Variants in CES4A observed in about 807,000 individuals in gnomAD.
CES4A encodes the protein carboxylesterase 6.
In CES4A, 48 loss-of-function variants were observed where a neutral mutation model predicts 65.4. The observed-to-expected ratio is 0.73, with a 90% CI of 0.58 to 0.93. CES4A has a LOEUF of 0.93. Among genes scored for constraint, CES4A ranks in the 40% least tolerant of loss-of-function variants. The probability of loss-of-function intolerance (pLI) is 0.00; values close to 1 mark genes in which losing one functional copy is unlikely to be tolerated. For missense variants in CES4A, 685 were observed against 728.5 expected (o/e 0.94, Z 0.69); for synonymous variants, 247 against 281.8 (o/e 0.88, Z 1.24).
rs1191963063 is a variant in CES4A at position 67,001,101 on chromosome 16, G to GC, written c.536+112dup. On this transcript the variant is annotated intron_variant, in intron 4 of 13. Transcript: ENST00000648724. The surrounding 1 kb of genome is among the most constrained non-coding windows in gnomAD (Gnocchi z 4.1). ...GGGATGGGGGGGGTGGGGCCGCGAG[G>GC]CGGGGGCGGGGCCTGGCGCTCGGTG... is the stretch of plus-strand genomic sequence containing the variant. The GC allele has an allele frequency of 1.6e-6, 2 of 1,221,658 alleles. No individual in the cohort carries two copies. The highest frequency in any genetic ancestry group is 2.2e-6 in the Non-Finnish European group (2 of 900,924). The allele number at this position is 1,221,658 out of a possible 1,614,324, so 75.7% of individuals were successfully genotyped here.
chr16:66,998,452 G>A (rs554499032), intron 2 of CES4A, among the ~76,000 whole-genome samples: 7 of 152,250 alleles, frequency 4.6e-5, no homozygotes, highest in Admixed American at 3.3e-4. Flanking sequence ...TATCCGGTGT[G>A]ATGGTGCGTG....
chr16:66,988,910 C>G, intron 1 of CES4A, 80 bp downstream of exon 1: 1 of 1,468,740 alleles, frequency 6.8e-7, no homozygotes, highest in Non-Finnish European at 9.1e-7. Flanking sequence ...TTCAACCTCT[C>G]CTGGGGACAG....
At chr16:66,995,867 G>A in intron 2 of CES4A, 38 bp downstream of exon 2, 1 of 1,572,578 alleles carries the variant, frequency 6.4e-7, no homozygotes, top group Non-Finnish European at 8.7e-7. Flanking sequence ...AGGGGGCAAT[G>A]GGCCTATGCC....
At position 67,001,291 on chromosome 16, in the gene CES4A, G is replaced by A. The variant is rs1434827589; in HGVS notation, c.537-17G>A. ...TGTCGAGGCCCGGGACCCTGACAGT[G>A]AACCCCACACGCCCAGCACGGACGA... On this transcript the variant is annotated splice_polypyrimidine_tract_variant and intron_variant, in intron 4 of 13. Transcript: ENST00000648724. This position sits in a 1 kb window ranked among gnomAD's most constrained non-coding sequence, Gnocchi z 4.1. 6.3e-7 allele frequency: 1 copy of A among 1,581,222 alleles called. No homozygotes were observed. Among genetic ancestry groups the A allele is most frequent in the Non-Finnish European group, 8.6e-7 (1 of 1,164,750 alleles).
intron 11 of CES4A, 113 bp from the exon 12 acceptor site, chr16:67,006,278 C>G: frequency 8.4e-7 from 1 of 1,195,664 alleles, no homozygotes; most frequent in South Asian, 1.5e-5. Context: ...CCCCTTGATT[C>G]TGAAGCCAAA....
chr16:67,004,328 G>A (rs1965585543), intron 9 of CES4A, 104 bp downstream of exon 9: 1 of 1,282,192 alleles, frequency 7.8e-7, no homozygotes, highest in African/African-American at 1.5e-5. Context: ...CAGGTCAGAT[G>A]CCAGTAGCCC....
At chr16:67,005,198 G>C (rs1965658002) in intron 10 of CES4A, 42 bp from the exon 11 acceptor site, 2 of 1,611,278 alleles carry the variant, frequency 1.2e-6, no homozygotes, top group South Asian at 1.1e-5. Context: ...CTCTGGCCCA[G>C]CTGGCACCCA....
chr16:67,006,806 T>C, exon 13 of CES4A: 1 of 1,614,140 alleles, frequency 6.2e-7, no homozygotes, highest in Non-Finnish European at 8.5e-7. Context: ...GGGCCAACTT[T>C]GCCCGCACAG....
chr16:67,006,938 AG>A, intron 13 of CES4A, 121 bp downstream of exon 13: 1 of 833,772 alleles, frequency 1.2e-6, no homozygotes, highest in Non-Finnish European at 1.9e-6. Flanking sequence ...CGGCCCAAAC[AG>A]GGTGCCCCTT....
chr16:67,010,280 G>A (rs13330267), downstream of CES4A, among the ~76,000 whole-genome samples: 5,463 of 151,582 alleles, frequency 0.036, 334 homozygotes, highest in African/African-American at 0.12. Flanking sequence ...CAGCCAGGCT[G>A]GTCTCAAACT....
At position 67,006,835 on chromosome 16, in the gene CES4A, C is replaced by T; in HGVS notation, c.1517+18C>T. The T allele has an allele frequency of 6.2e-7, 1 of 1,611,426 alleles. No individual in the cohort carries two copies. The highest frequency in any genetic ancestry group is 8.5e-7 in the Non-Finnish European group (1 of 1,177,800). Reference sequence around the variant, plus strand: ...CGCACAGGGTGAGTCTGCCCCCCAGCACATCTGGGCATTCTACCTGCCCAG... The same window carrying T: ...CGCACAGGGTGAGTCTGCCCCCCAGTACATCTGGGCATTCTACCTGCCCAG... On this transcript the variant is annotated intron_variant, in intron 13 of 13. Coordinates refer to ENST00000648724, the Ensembl canonical transcript of CES4A.
intron 9 of CES4A, 47 bp downstream of exon 9, chr16:67,004,271 A>G: frequency 6.2e-7 from 1 of 1,604,840 alleles, no homozygotes; most frequent in African/African-American, 1.3e-5. Context: ...GTAAGTGAGT[A>G]CCATAGTGGA....
chr16:66,990,475 T>C (rs2145568461), intron 1 of CES4A, among the ~76,000 whole-genome samples: 1 of 152,230 alleles, frequency 6.6e-6, no homozygotes, highest in Non-Finnish European at 1.5e-5. Flanking sequence ...TGTGGGAGGA[T>C]TGCTTAAGCT....
Position 67,000,549 on chromosome 16 carries a change from T to A in CES4A, c.261-89T>A, listed in dbSNP as rs1965208501. On this transcript the variant is annotated intron_variant, in intron 2 of 13. Transcript: ENST00000648724. The surrounding 1 kb of genome is among the most constrained non-coding windows in gnomAD (Gnocchi z 4.2). ...CACACGCACGCGCACAGACGCTGCCTGGATTTTGCTTTGGGTTCCGTCTTC... is the reference window on the plus strand; with the variant it reads ...CACACGCACGCGCACAGACGCTGCCAGGATTTTGCTTTGGGTTCCGTCTTC... 2.0e-6 allele frequency: 3 copies of A among 1,481,246 alleles called. No individual in the cohort carries two copies. The East Asian group carries it at 7.5e-5, about 37-fold the overall frequency. The allele number at this position is 1,481,246 out of a possible 1,614,324, so 91.8% of individuals were successfully genotyped here.
At chr16:67,010,043 T>C (rs930266058), downstream of CES4A, among the ~76,000 whole-genome samples, 2 of 151,660 alleles carry the variant, frequency 1.3e-5, no homozygotes, top group African/African-American at 2.4e-5. Context: ...TGTCCCACAG[T>C]TTTGTTTCGT....
intron 13 of CES4A, 159 bp from the exon 14 acceptor site, chr16:67,008,815 A>G (rs1480183083): frequency 1.4e-6 from 1 of 732,314 alleles, no homozygotes; most frequent in Non-Finnish European, 2.3e-6. Context: ...GCCCACCCCA[A>G]TACACACTTT....
intron 2 of CES4A, 160 bp downstream of exon 2, chr16:66,995,989 C>T: frequency 1.4e-6 from 1 of 718,492 alleles, no homozygotes; most frequent in Non-Finnish European, 2.5e-6. Context: ...CATGAGCAAA[C>T]TGGTCCTGAT....
chr16:67,004,376 C>A, intron 9 of CES4A, 152 bp downstream of exon 9: 1 of 797,732 alleles, frequency 1.3e-6, no homozygotes, highest in Non-Finnish European at 2.0e-6. Flanking sequence ...CTCCTGTAGT[C>A]CCTGTACAGT....
chr16:66,994,056 G>C (rs901820222), intron 1 of CES4A, among the ~76,000 whole-genome samples: 1 of 151,416 alleles, frequency 6.6e-6, no homozygotes, highest in Admixed American at 6.6e-5. Flanking sequence ...AGCCGAGATC[G>C]TGCCACTGCA....
Sources: allele counts gnomAD v4.1 joint callset (sites outside exome capture counted in the v4.1 genomes callset), GRCh38; gene constraint gnomAD v4.1.1; non-coding constraint Gnocchi (gnomAD v3.1); transcripts MANE v1.5; gene names NCBI Gene and HGNC (gene_info 2026-07-23, HGNC 2026-07-21).